PRKD1: variants seen among roughly 807,000 people sequenced by gnomAD.
The protein encoded by PRKD1 is serine/threonine-protein kinase D1.
A neutral mutation model predicts 95.9 loss-of-function variants in PRKD1; 63 were observed. The ratio of observed to expected loss-of-function variants is 0.66; its 90% CI spans 0.54 to 0.81. The LOEUF is 0.81. PRKD1 is among the 30% of genes least tolerant of loss of function. PRKD1 has a pLI of 0.00. For missense variants in PRKD1, 1,048 were observed against 1,165.3 expected (o/e 0.90, Z 1.47); for synonymous variants, 425 against 423.1 (o/e 1.00, Z -0.05).
intron 1 of PRKD1, among the ~76,000 whole-genome samples, chr14:29,843,574 T>C (rs572957338): frequency 3.6e-4 from 55 of 152,316 alleles, no homozygotes; most frequent in African/African-American, 1.3e-3. Flanking sequence ...AAATGGCTAG[T>C]CAAACATTTT....
At chr14:29,745,595 A>G (rs2139445119) in intron 1 of PRKD1, among the ~76,000 whole-genome samples, 1 of 152,276 alleles carries the variant, frequency 6.6e-6, no homozygotes. Flanking sequence ...CAGCCTCCTG[A>G]GTAGCTAGGA....
chr14:29,751,820 A>G (rs73259532), intron 1 of PRKD1, among the ~76,000 whole-genome samples: 1,666 of 152,330 alleles, frequency 0.011, 33 homozygotes, highest in African/African-American at 0.038. Context: ...ATATTCAAAT[A>G]GAAGTTTGAA....
chr14:29,739,217 A>G (rs190579129), intron 1 of PRKD1, among the ~76,000 whole-genome samples: 108 of 152,330 alleles, frequency 7.1e-4, no homozygotes, highest in Admixed American at 1.6e-3. Context: ...TAGAAACACA[A>G]AAGTCACTCC....
chr14:29,658,813 C>T (rs45602934), intron 4 of PRKD1, among the ~76,000 whole-genome samples: 2,173 of 152,154 alleles, frequency 0.014, 55 homozygotes, highest in African/African-American at 0.049. Context: ...AATTTAGCAC[C>T]CAAAGAATTT....
chr14:29,896,365 T>TAC (rs71443337), intron 1 of PRKD1, among the ~76,000 whole-genome samples: 13,945 of 147,810 alleles, frequency 0.094, 877 homozygotes, highest in African/African-American at 0.19. Context: ...CATGTGTGTG[T>TAC]ACACACACAC....
chr14:29,707,877 G>T (rs1885164934), intron 2 of PRKD1, among the ~76,000 whole-genome samples: 1 of 152,010 alleles, frequency 6.6e-6, no homozygotes, highest in African/African-American at 2.4e-5. Context: ...GATGGCCCCT[G>T]GGATACATCT....
intron 1 of PRKD1, among the ~76,000 whole-genome samples, chr14:29,740,683 T>C (rs969585328): frequency 8.5e-5 from 13 of 152,172 alleles, no homozygotes; most frequent in African/African-American, 2.4e-5. Context: ...AATGATTTAA[T>C]GAGCTTTGTA....
At chr14:29,861,738 T>C (rs547898315) in intron 1 of PRKD1, among the ~76,000 whole-genome samples, 29 of 152,024 alleles carry the variant, frequency 1.9e-4, no homozygotes, top group African/African-American at 6.7e-4. Context: ...CTGCAACCTC[T>C]GCCTCCCGGG....
chr14:29,924,296 A>T (rs1895222877), intron 1 of PRKD1, among the ~76,000 whole-genome samples: 1 of 152,194 alleles, frequency 6.6e-6, no homozygotes, highest in Non-Finnish European at 1.5e-5. Context: ...ATCTTAAAAT[A>T]AGTATTTTTT....
chr14:29,884,191 C>A (rs1195878843), intron 1 of PRKD1, among the ~76,000 whole-genome samples: 1 of 152,118 alleles, frequency 6.6e-6, no homozygotes, highest in African/African-American at 2.4e-5. Context: ...GGGTTAAAAG[C>A]ATTTTTTTAA....
intron 1 of PRKD1, among the ~76,000 whole-genome samples, chr14:29,739,833 CTTTTA>C (rs1297826411): frequency 2.0e-5 from 3 of 152,112 alleles, no homozygotes; most frequent in African/African-American, 7.2e-5. Flanking sequence ...CAAAAACCTT[CTTTTA>C]TTTTAATTTG....
chr14:29,893,408 T>C (rs901265197), intron 1 of PRKD1, among the ~76,000 whole-genome samples: 1 of 151,956 alleles, frequency 6.6e-6, no homozygotes, highest in Non-Finnish European at 1.5e-5. Context: ...AGGTTTTTTT[T>C]TGGTTTTCAA....
At chr14:29,843,181 G>T (rs112914012) in intron 1 of PRKD1, among the ~76,000 whole-genome samples, 2 of 152,214 alleles carry the variant, frequency 1.3e-5, no homozygotes, top group African/African-American at 4.8e-5. Flanking sequence ...TTTATAATAA[G>T]AAGATGTTAT....
At chr14:29,594,287 ATACAT>A (rs1280805174) in intron 16 of PRKD1, 11 of 313,634 alleles carry the variant, frequency 3.5e-5, no homozygotes, top group Non-Finnish European at 6.9e-5. Context: ...GGAAAAAAAA[ATACAT>A]TACAACTAGC....
chr14:29,650,533 T>C (rs2139174588), intron 4 of PRKD1: 1 of 152,274 alleles, frequency 6.6e-6, no homozygotes, highest in East Asian at 1.9e-4. Flanking sequence ...GCACCAGAAA[T>C]GTTGCAGTGA....
chr14:29,686,621 G>A (rs1292081313), intron 2 of PRKD1, among the ~76,000 whole-genome samples: 2 of 152,166 alleles, frequency 1.3e-5, no homozygotes, highest in African/African-American at 4.8e-5. Context: ...TAGATTCCAG[G>A]TTGAGGGCTT....
intron 13 of PRKD1, among the ~76,000 whole-genome samples, chr14:29,617,548 T>C (rs1878949778): frequency 6.6e-6 from 1 of 152,202 alleles, no homozygotes; most frequent in Admixed American, 6.5e-5. Context: ...ATAGGAGCTC[T>C]AGTATTGTTC....
At chr14:29,666,448 A>T (rs900149057) in intron 2 of PRKD1, among the ~76,000 whole-genome samples, 7 of 151,862 alleles carry the variant, frequency 4.6e-5, no homozygotes, top group Admixed American at 3.9e-4. Context: ...GTTTCAGACC[A>T]CTTTAAAAAC....
chr14:29,791,219 C>T (rs1380487154), intron 1 of PRKD1, among the ~76,000 whole-genome samples: 1 of 151,920 alleles, frequency 6.6e-6, no homozygotes, highest in Non-Finnish European at 1.5e-5. Flanking sequence ...TTTCCCTCTA[C>T]CTCATCATTT....
Sources: gnomAD v4.1 joint callset for allele counts (sites outside exome capture counted in the v4.1 genomes callset) on GRCh38, gnomAD v4.1.1 for gene constraint, MANE v1.5 for transcripts, NCBI Gene and HGNC (gene_info 2026-07-23, HGNC 2026-07-21) for gene names.